GFOD1: variants seen among roughly 807,000 people sequenced by gnomAD.
The protein encoded by GFOD1 is Gfo/Idh/MocA-like oxidoreductase domain containing 1.
In GFOD1, 9 loss-of-function variants were observed where a neutral mutation model predicts 25.4. That is an observed-to-expected ratio of 0.35 (90% confidence interval 0.21 to 0.62). The LOEUF is 0.62. Ranked by LOEUF, GFOD1 falls within the 20% of genes least tolerant of loss-of-function variation. The pLI is 0.72. For missense variants in GFOD1, 403 were observed against 556.9 expected (o/e 0.72, Z 2.78); for synonymous variants, 253 against 245.6 (o/e 1.03, Z -0.28).
intron 1 of GFOD1, among the ~76,000 whole-genome samples, chr6:13,443,988 G>A (rs1214064996): frequency 6.6e-6 from 1 of 151,952 alleles, no homozygotes; most frequent in South Asian, 2.1e-4. Flanking sequence ...AAAATATTTG[G>A]GACCCAGCAA....
At chr6:13,390,527 A>G (rs889442855) in intron 1 of GFOD1, among the ~76,000 whole-genome samples, 1 of 152,070 alleles carries the variant, frequency 6.6e-6, no homozygotes, top group Non-Finnish European at 1.5e-5. Context: ...GGAGTTTGAG[A>G]CCAACCTGGG....
At chr6:13,462,857 G>A (rs1562226599) in intron 1 of GFOD1, among the ~76,000 whole-genome samples, 3 of 152,184 alleles carry the variant, frequency 2.0e-5, no homozygotes, top group Non-Finnish European at 2.9e-5. Flanking sequence ...ATCTCCGTTC[G>A]TAACATTCTG....
Position 13,359,106 on chromosome 6 carries a change from G to C in GFOD1, c.*5637C>G, listed in dbSNP as rs41273710. ...CGCAGGAGGTCTTGACTCTTCCTATGAGAAGTCCCAGAAGCCCCAGTCAGT... is the reference window on the plus strand; with the variant it reads ...CGCAGGAGGTCTTGACTCTTCCTATCAGAAGTCCCAGAAGCCCCAGTCAGT... On this transcript the variant is annotated 3_prime_UTR_variant, in exon 2 of 2. Coordinates refer to ENST00000379287, the MANE Select transcript of GFOD1 (RefSeq NM_018988.4). 1.3e-5 allele frequency: 2 copies of C among 152,442 alleles called. No individual in the cohort carries two copies. Among genetic ancestry groups the C allele is most frequent in the Non-Finnish European group, 2.9e-5 (2 of 68,116 alleles). 9.4% of individuals were successfully genotyped at this position (152,442 alleles called of 1,614,324 possible). A position where few individuals can be genotyped will look rare whatever the true frequency, so the allele number is the denominator to read the frequency against.
intron 1 of GFOD1, among the ~76,000 whole-genome samples, chr6:13,446,750 C>T (rs902758156): frequency 7.9e-5 from 12 of 152,164 alleles, no homozygotes; most frequent in African/African-American, 2.7e-4. Flanking sequence ...AGGGTAAGGG[C>T]CGATGTGATC....
intron 1 of GFOD1, among the ~76,000 whole-genome samples, chr6:13,399,989 C>T (rs1486188863): frequency 1.3e-5 from 2 of 152,116 alleles, no homozygotes; most frequent in African/African-American, 2.4e-5. Flanking sequence ...TCATTTCTTT[C>T]TCCTAAGATC....
intron 1 of GFOD1, among the ~76,000 whole-genome samples, chr6:13,480,966 T>C (rs1364252290): frequency 3.3e-5 from 5 of 152,204 alleles, no homozygotes; most frequent in Non-Finnish European, 7.3e-5. Flanking sequence ...TCATTTGTCA[T>C]TCAATAAATA....
At position 13,486,702 on chromosome 6, in the gene GFOD1, G is replaced by A. The variant is rs116041625; in HGVS notation, c.189C>T (p.Asp63=). ...SRIDEVLLHQ[D]VDLVCINLPP... ...GCAGGTTAATGCACACCAAGTCCAC[G>A]TCCTGATGCAGCAGCACCTCATCAA... is the stretch of plus-strand genomic sequence containing the variant. The change falls in exon 1 of 2, where the codon GAC becomes GAT. Residue 63 remains aspartate (D), a synonymous_variant. Coordinates refer to ENST00000379287, the MANE Select transcript of GFOD1 (RefSeq NM_018988.4). The A allele has an allele frequency of 6.8e-6, 11 of 1,614,128 alleles. No homozygotes were observed. Among genetic ancestry groups the A allele is most frequent in the Non-Finnish European group, 9.3e-6 (11 of 1,180,008 alleles).
At chr6:13,455,400 G>A (rs1358411454) in intron 1 of GFOD1, among the ~76,000 whole-genome samples, 1 of 152,124 alleles carries the variant, frequency 6.6e-6, no homozygotes, top group Non-Finnish European at 1.5e-5. Flanking sequence ...TCCCCAGCCG[G>A]GTGGCTACCA....
In GFOD1 at chr6:13,364,603, T is replaced by C; in HGVS notation, c.*140A>G. The C allele has an allele frequency of 1.4e-6, 1 of 728,720 alleles. No homozygotes were observed. Among genetic ancestry groups the C allele is most frequent in the Non-Finnish European group, 2.2e-6 (1 of 452,648 alleles). The allele number at this position is 728,720 out of a possible 1,614,324, so 45.1% of individuals were successfully genotyped here. A position where few individuals can be genotyped will look rare whatever the true frequency, so the allele number is the denominator to read the frequency against. On this transcript the variant is annotated 3_prime_UTR_variant, in exon 2 of 2. Coordinates refer to ENST00000379287, the MANE Select transcript of GFOD1 (RefSeq NM_018988.4). The surrounding 1 kb of genome is among the most constrained non-coding windows in gnomAD (Gnocchi z 4.1). ...TCGGTCACCGGGATTGGAGTTTACC[T>C]TCCTAGATGCCATTTATTCACACTG...
chr6:13,449,360 A>T (rs1758057194), intron 1 of GFOD1, among the ~76,000 whole-genome samples: 2 of 152,248 alleles, frequency 1.3e-5, no homozygotes, highest in African/African-American at 4.8e-5. Context: ...CAAGCATGAC[A>T]GTGCATACTC....
intron 1 of GFOD1, among the ~76,000 whole-genome samples, chr6:13,483,922 C>T (rs948274142): frequency 1.3e-5 from 2 of 152,154 alleles, no homozygotes; most frequent in South Asian, 4.1e-4. Flanking sequence ...AAATGAAATG[C>T]TTTATACACA....
chr6:13,415,289 T>C (rs1016691471), intron 1 of GFOD1, among the ~76,000 whole-genome samples: 4 of 152,210 alleles, frequency 2.6e-5, no homozygotes, highest in Non-Finnish European at 4.4e-5. Flanking sequence ...AGAATGTGCT[T>C]GCCTGTGGGA....
At chr6:13,368,034 T>C (rs958907523) in intron 1 of GFOD1, among the ~76,000 whole-genome samples, 1 of 152,196 alleles carries the variant, frequency 6.6e-6, no homozygotes, top group African/African-American at 2.4e-5. Flanking sequence ...ACTTACAACG[T>C]GCTGAGCTAA....
rs1393106740 is a variant in GFOD1 at position 13,446,159 on chromosome 6, G to C, written c.253+40479C>G. Among the ~76,000 whole-genome samples, 3 of 152,164 alleles carry C rather than the reference G, an allele frequency of 2.0e-5. No homozygotes were observed. In the East Asian group the frequency reaches 5.8e-4, roughly 29 times the overall value. ...CCCATTCCTAGCCCAATAACAAACTGAAAGTTAACAAAGCTGCAGCTCTGG... is the reference window on the plus strand; with the variant it reads ...CCCATTCCTAGCCCAATAACAAACTCAAAGTTAACAAAGCTGCAGCTCTGG... On this transcript the variant is annotated intron_variant, in intron 1 of 1. Transcript: ENST00000379287.
chr6:13,418,923 G>A (rs1365661554), intron 1 of GFOD1, among the ~76,000 whole-genome samples: 1 of 152,190 alleles, frequency 6.6e-6, no homozygotes, highest in African/African-American at 2.4e-5. Flanking sequence ...CAAAGCCCTA[G>A]AAGGAAGTCA....
intron 1 of GFOD1, among the ~76,000 whole-genome samples, chr6:13,393,879 G>C (rs1312407917): frequency 9.5e-5 from 14 of 147,836 alleles, no homozygotes; most frequent in East Asian, 4.0e-4. Context: ...TCCCGGGTTC[G>C]GCCACTCTCC....
In GFOD1 at chr6:13,358,771, G is replaced by A. The variant is rs1255303823; in HGVS notation, c.*5972C>T. 6.6e-6 allele frequency: 1 copy of A among 152,412 alleles called. No individual in the cohort carries two copies. The highest frequency in any genetic ancestry group is 1.9e-4 in the East Asian group (1 of 5,200). 9.4% of individuals were successfully genotyped at this position (152,412 alleles called of 1,614,324 possible). A position where few individuals can be genotyped will look rare whatever the true frequency, so the allele number is the denominator to read the frequency against. ...GTGACAACTCCATGACTATTGTCTAGCCCCTGCCTACATCTGCCCAGGCAA... is the reference window on the plus strand; with the variant it reads ...GTGACAACTCCATGACTATTGTCTAACCCCTGCCTACATCTGCCCAGGCAA... On this transcript the variant is annotated 3_prime_UTR_variant, in exon 2 of 2. Transcript: ENST00000379287.
chr6:13,410,579 A>G (rs1166769712), intron 1 of GFOD1, among the ~76,000 whole-genome samples: 29 of 24,612 alleles, frequency 1.2e-3, no homozygotes, highest in Non-Finnish European at 4.1e-3. Flanking sequence ...GAAAGAAAGG[A>G]GAGAGAGAGA....
chr6:13,452,000 C>T (rs2127573960), intron 1 of GFOD1, among the ~76,000 whole-genome samples: 1 of 152,180 alleles, frequency 6.6e-6, no homozygotes, highest in East Asian at 1.9e-4. Flanking sequence ...TTAGGTTTGG[C>T]GGGTAGTAGC....
Sources: gnomAD v4.1 joint callset for allele counts (sites outside exome capture counted in the v4.1 genomes callset) on GRCh38, gnomAD v4.1.1 for gene constraint, Gnocchi (gnomAD v3.1) non-coding constraint, MANE v1.5 for transcripts, NCBI Gene and HGNC (gene_info 2026-07-23, HGNC 2026-07-21) for gene names.